RABGAP1L: variants seen among roughly 807,000 people sequenced by gnomAD.
The protein encoded by RABGAP1L is rab GTPase-activating protein 1-like.
In RABGAP1L, 63 loss-of-function variants were observed where a neutral mutation model predicts 137.7. That is an observed-to-expected ratio of 0.46 (90% confidence interval 0.37 to 0.56). The LOEUF (loss-of-function observed/expected upper bound fraction) is 0.56, where lower values mean the gene tolerates loss of function less well. Among genes scored for constraint, RABGAP1L ranks in the 20% least tolerant of loss-of-function variants. The pLI is 0.00. For missense variants in RABGAP1L, 1,095 were observed against 1,244.0 expected, an observed-to-expected ratio of 0.88 and a Z score of 1.80; for synonymous variants, 431 against 433.7, an observed-to-expected ratio of 0.99 and a Z score of 0.08.
intron 13 of RABGAP1L, among the ~76,000 whole-genome samples, chr1:174,550,682 C>G (rs1666363726): frequency 6.6e-6 from 1 of 151,160 alleles, no homozygotes; most frequent in East Asian, 1.9e-4. Flanking sequence ...TATAAAAGAT[C>G]TGAGTAACAC....
intron 18 of RABGAP1L, among the ~76,000 whole-genome samples, chr1:174,800,736 A>G (rs1450146270): frequency 6.6e-6 from 1 of 152,136 alleles, no homozygotes; most frequent in African/African-American, 2.4e-5. Flanking sequence ...GGGTCACATT[A>G]GTGGCATTAT....
At chr1:174,313,981 C>T (rs965062312) in intron 11 of RABGAP1L, among the ~76,000 whole-genome samples, 4 of 151,658 alleles carry the variant, frequency 2.6e-5, no homozygotes, top group Non-Finnish European at 4.4e-5. Flanking sequence ...TTTTGATATG[C>T]GTTTGTCTGG....
At chr1:174,232,916 C>T (rs904213343) in intron 4 of RABGAP1L, among the ~76,000 whole-genome samples, 1 of 152,132 alleles carries the variant, frequency 6.6e-6, no homozygotes. Flanking sequence ...TCCTTCTTTT[C>T]TTCTTAGCCT....
intron 19 of RABGAP1L, among the ~76,000 whole-genome samples, chr1:174,951,986 C>T (rs1002308079): frequency 6.6e-5 from 10 of 152,100 alleles, no homozygotes; most frequent in Admixed American, 6.5e-4. Context: ...GAGCATAGAT[C>T]AACTTGAAAA....
chr1:174,313,346 G>A (rs2148802437), intron 11 of RABGAP1L, among the ~76,000 whole-genome samples: 1 of 152,308 alleles, frequency 6.6e-6, no homozygotes, highest in South Asian at 2.1e-4. Flanking sequence ...TTGTTGATGA[G>A]TTTTAATAGT....
chr1:174,695,100 C>T (rs1679153015), intron 15 of RABGAP1L, among the ~76,000 whole-genome samples: 1 of 152,074 alleles, frequency 6.6e-6, no homozygotes, highest in African/African-American at 2.4e-5. Flanking sequence ...TGGATATTAG[C>T]CCTTTGTCAG....
chr1:174,342,389 GT>G (rs756503878), intron 11 of RABGAP1L, among the ~76,000 whole-genome samples: 4 of 151,994 alleles, frequency 2.6e-5, no homozygotes, highest in Middle Eastern at 3.4e-3. Context: ...TTGTCAGTTC[GT>G]TTTTCCCAAG....
intron 19 of RABGAP1L, among the ~76,000 whole-genome samples, chr1:174,858,555 T>C (rs542163136): frequency 6.6e-6 from 1 of 152,316 alleles, no homozygotes; most frequent in Admixed American, 6.5e-5. Context: ...ATTGAAAAAC[T>C]CTTCCGTATG....
chr1:174,159,657 G>A lies in RABGAP1L; in HGVS notation c.-34G>A, dbSNP rs1664242400. The A allele has an allele frequency of 6.6e-6, 1 of 152,348 alleles. No individual in the cohort carries two copies. Among genetic ancestry groups the A allele is most frequent in the Admixed American group, 6.5e-5 (1 of 15,294 alleles). 9.4% of individuals were successfully genotyped at this position (152,348 alleles called of 1,614,324 possible). The stretch of plus-strand genomic sequence containing the variant: ...GGCAGCGCCCGCGGAGACGTGAAGA[G>A]GTGAGGCGAGGACGGCCTCCTAGGG... On this transcript the variant is annotated splice_region_variant and 5_prime_UTR_variant, in exon 1 of 26. Transcript: ENST00000681986.
intron 18 of RABGAP1L, among the ~76,000 whole-genome samples, chr1:174,767,558 C>T (rs1022675294): frequency 6.6e-6 from 1 of 150,556 alleles, no homozygotes; most frequent in Non-Finnish European, 1.5e-5. Context: ...GAGTCTCACC[C>T]TGTCACCCAG....
chr1:174,967,340 T>TC (rs1386970080), intron 20 of RABGAP1L, among the ~76,000 whole-genome samples: 1 of 149,302 alleles, frequency 6.7e-6, no homozygotes. Context: ...ATTTTTTTTT[T>TC]TTTTTTTTTT....
intron 13 of RABGAP1L, among the ~76,000 whole-genome samples, chr1:174,630,133 C>A (rs1032208264): frequency 1.3e-5 from 2 of 151,542 alleles, no homozygotes; most frequent in Admixed American, 6.6e-5. Flanking sequence ...AAGGCTTTTT[C>A]GGCATCTATT....
intron 1 of RABGAP1L, among the ~76,000 whole-genome samples, chr1:174,165,807 A>G (rs1002883965): frequency 2.0e-5 from 3 of 152,140 alleles, no homozygotes; most frequent in Non-Finnish European, 4.4e-5. Flanking sequence ...CCCCTGAACT[A>G]TGCTTTGAAG....
intron 13 of RABGAP1L, among the ~76,000 whole-genome samples, chr1:174,509,526 T>C (rs984587278): frequency 5.3e-5 from 8 of 151,932 alleles, no homozygotes; most frequent in East Asian, 1.9e-4. Flanking sequence ...TTGCCCTTTT[T>C]CCCCCCAAAT....
chr1:174,255,739 T>A (rs1673070894), intron 7 of RABGAP1L, among the ~76,000 whole-genome samples: 2 of 152,212 alleles, frequency 1.3e-5, no homozygotes. Context: ...TTGGTCAGGC[T>A]GGCCTTGAAC....
At chr1:174,652,724 A>G (rs531645969) in intron 14 of RABGAP1L, among the ~76,000 whole-genome samples, 9 of 152,116 alleles carry the variant, frequency 5.9e-5, no homozygotes, top group Non-Finnish European at 1.0e-4. Context: ...CCTATATGAG[A>G]TGTCTGTCGA....
intron 13 of RABGAP1L, among the ~76,000 whole-genome samples, chr1:174,420,057 G>GT (rs1360025682): frequency 2.0e-5 from 3 of 152,064 alleles, no homozygotes; most frequent in Non-Finnish European, 2.9e-5. Context: ...AGGAAGAAAA[G>GT]TTTTGTTTCC....
intron 13 of RABGAP1L, among the ~76,000 whole-genome samples, chr1:174,529,933 C>G (rs898465705): frequency 6.6e-6 from 1 of 152,076 alleles, no homozygotes; most frequent in Non-Finnish European, 1.5e-5. Context: ...ACTCCCCTGA[C>G]CCCCAGACTC....
At chr1:174,916,879 G>T (rs182005613) in intron 19 of RABGAP1L, among the ~76,000 whole-genome samples, 41 of 152,310 alleles carry the variant, frequency 2.7e-4, no homozygotes, top group African/African-American at 9.4e-4. Context: ...AGGTGTCTTA[G>T]TCAACTCGGA....
Sources: gnomAD v4.1 joint callset for allele counts (sites outside exome capture counted in the v4.1 genomes callset) on GRCh38, gnomAD v4.1.1 for gene constraint, MANE v1.5 for transcripts, NCBI Gene and HGNC (gene_info 2026-07-23, HGNC 2026-07-21) for gene names.